SLC9B2: variants seen among roughly 807,000 people sequenced by gnomAD.
SLC9B2 encodes solute carrier family 9 member B2.
SLC9B2 carries 39 observed loss-of-function variants against 52.2 expected under a neutral mutation model. The ratio of observed to expected loss-of-function variants is 0.75; its 90% CI spans 0.58 to 0.98. The LOEUF is 0.98. Ranked by LOEUF, SLC9B2 falls within the 50% of genes least tolerant of loss-of-function variation. The probability of loss-of-function intolerance (pLI) is 0.00; values close to 1 mark genes in which losing one functional copy is unlikely to be tolerated. For missense variants in SLC9B2, 626 were observed against 637.5 expected, an observed-to-expected ratio of 0.98 and a Z score of 0.19; for synonymous variants, 214 against 227.0, an observed-to-expected ratio of 0.94 and a Z score of 0.51.
At chr4:103,055,530 T>C (rs1745053706) in intron 4 of SLC9B2, among the ~76,000 whole-genome samples, 3 of 152,290 alleles carry the variant, frequency 2.0e-5, no homozygotes, top group Admixed American at 1.3e-4. Flanking sequence ...AAATGGGGCA[T>C]AGTAAGAGAT....
chr4:103,069,806 G>A (rs1746459308), intron 1 of SLC9B2, among the ~76,000 whole-genome samples: 1 of 152,148 alleles, frequency 6.6e-6, no homozygotes, highest in Non-Finnish European at 1.5e-5. Flanking sequence ...CTCAAAATCA[G>A]CCCATTCTGC....
intron 4 of SLC9B2, among the ~76,000 whole-genome samples, chr4:103,051,741 T>A (rs944461560): frequency 1.3e-5 from 2 of 152,206 alleles, no homozygotes; most frequent in African/African-American, 2.4e-5. Context: ...AAAGTTTCTG[T>A]ACCTATTCAA....
chr4:103,045,728 A>T (rs1744065347), intron 7 of SLC9B2, among the ~76,000 whole-genome samples: 1 of 152,120 alleles, frequency 6.6e-6, no homozygotes, highest in Non-Finnish European at 1.5e-5. Context: ...CACCACCATG[A>T]TTCTAATGCA....
At chr4:103,050,933 C>A (rs779774500) in intron 4 of SLC9B2, among the ~76,000 whole-genome samples, 1 of 152,168 alleles carries the variant, frequency 6.6e-6, no homozygotes, top group Non-Finnish European at 1.5e-5. Context: ...GTACTGAATG[C>A]CTTCAGTAGT....
intron 1 of SLC9B2, among the ~76,000 whole-genome samples, chr4:103,070,749 G>A (rs901279139): frequency 2.6e-5 from 4 of 151,984 alleles, no homozygotes; most frequent in South Asian, 4.2e-4. Context: ...CCCTTATTTC[G>A]AAAACAATTC....
At chr4:103,027,612 C>A (rs1272560051) in intron 11 of SLC9B2, among the ~76,000 whole-genome samples, 1 of 152,066 alleles carries the variant, frequency 6.6e-6, no homozygotes, top group Non-Finnish European at 1.5e-5. Context: ...ACAATGTAAG[C>A]CTCTAAGACA....
chr4:103,029,422 AC>A (rs1486688765), intron 10 of SLC9B2, among the ~76,000 whole-genome samples: 1 of 152,142 alleles, frequency 6.6e-6, no homozygotes, highest in African/African-American at 2.4e-5. Flanking sequence ...AGGGTATAAG[AC>A]CAGAAGTGAT....
intron 1 of SLC9B2, among the ~76,000 whole-genome samples, chr4:103,069,673 T>A (rs975179260): frequency 2.0e-5 from 3 of 152,234 alleles, no homozygotes; most frequent in African/African-American, 7.2e-5. Context: ...TGATTTTTCA[T>A]CTGTTTTTGA....
chr4:103,068,583 G>T (rs928600416), intron 1 of SLC9B2, among the ~76,000 whole-genome samples: 3 of 152,232 alleles, frequency 2.0e-5, no homozygotes, highest in African/African-American at 7.2e-5. Context: ...CTGGTTCCTT[G>T]ATGACATCTT....
In SLC9B2 at chr4:103,057,801, CAAGAA is replaced by C. The variant is rs1745282723; in HGVS notation, c.437_441del (p.Leu146ArgfsTer18). On this transcript the variant is annotated frameshift_variant and splice_region_variant, in exon 4 of 12. Coordinates refer to ENST00000394785, the MANE Select transcript of SLC9B2 (RefSeq NM_178833.7). The stretch of plus-strand genomic sequence containing the variant: ...AGAACAGGAAACATTTAGCACTTAC[CAAGAA>C]GAGAAGGCAGTGGAGGCAATGTAGG... 2.5e-6 allele frequency: 4 copies of C among 1,612,268 alleles called. No homozygotes were observed. Among genetic ancestry groups the C allele is most frequent in the African/African-American group, 1.3e-5 (1 of 74,718 alleles).
At chr4:103,030,990 A>G (rs972813894) in intron 10 of SLC9B2, among the ~76,000 whole-genome samples, 3 of 147,832 alleles carry the variant, frequency 2.0e-5, no homozygotes, top group African/African-American at 7.5e-5. Context: ...TCCATGTTGC[A>G]GCATGTGTCA....
chr4:103,044,335 G>T (rs1014299718), intron 8 of SLC9B2, among the ~76,000 whole-genome samples: 2 of 152,188 alleles, frequency 1.3e-5, no homozygotes, highest in Non-Finnish European at 2.9e-5. Context: ...TTCTGTATCT[G>T]CTATAGCCAC....
downstream of SLC9B2, chr4:103,020,233 T>A (rs1486961176): frequency 2.5e-6 from 1 of 400,720 alleles, no homozygotes; most frequent in Non-Finnish European, 4.8e-6. Context: ...TATACTGTTA[T>A]CAGTATAAAA....
At chr4:103,038,154 C>A (rs950964066) in intron 9 of SLC9B2, among the ~76,000 whole-genome samples, 5 of 152,098 alleles carry the variant, frequency 3.3e-5, no homozygotes, top group Admixed American at 6.6e-5. Flanking sequence ...AGCCACTGCA[C>A]CCAGCCAACG....
intron 1 of SLC9B2, among the ~76,000 whole-genome samples, chr4:103,069,252 G>C (rs962477816): frequency 6.6e-6 from 1 of 152,190 alleles, no homozygotes; most frequent in African/African-American, 2.4e-5. Flanking sequence ...AACTGCTGGA[G>C]CTTGTGGCAG....
intron 3 of SLC9B2, among the ~76,000 whole-genome samples, chr4:103,061,901 T>C (rs948116090): frequency 1.1e-4 from 16 of 152,204 alleles, no homozygotes; most frequent in Non-Finnish European, 2.4e-4. Flanking sequence ...TGTCCCTTTT[T>C]CTAAACCCTC....
chr4:103,052,771 T>G (rs1267118039), intron 4 of SLC9B2, among the ~76,000 whole-genome samples: 2 of 151,548 alleles, frequency 1.3e-5, no homozygotes, highest in Non-Finnish European at 1.5e-5. Flanking sequence ...GGTCTCAAAC[T>G]CCTGGGCTCA....
chr4:103,049,112 G>A (rs1189114377), intron 5 of SLC9B2, 92 bp from the exon 6 acceptor site: 10 of 1,413,640 alleles, frequency 7.1e-6, no homozygotes, highest in Admixed American at 2.4e-5. Context: ...TATGGACCAC[G>A]TCTGGGTCAT....
intron 10 of SLC9B2, among the ~76,000 whole-genome samples, chr4:103,030,408 G>A (rs1432396684): frequency 6.6e-6 from 1 of 152,124 alleles, no homozygotes; most frequent in Non-Finnish European, 1.5e-5. Flanking sequence ...AGCAGCAAAT[G>A]CTGCTGACAG....
Sources: gnomAD v4.1 joint callset for allele counts (sites outside exome capture counted in the v4.1 genomes callset) on GRCh38, gnomAD v4.1.1 for gene constraint, MANE v1.5 for transcripts, NCBI Gene and HGNC (gene_info 2026-07-23, HGNC 2026-07-21) for gene names.